The following MARK3 variants were observed in gnomAD, a reference collection of about 807,000 sequenced individuals.
The protein encoded by MARK3 is microtubule affinity regulating kinase 3.
A neutral mutation model predicts 90.1 loss-of-function variants in MARK3; 46 were observed. That is an observed-to-expected ratio of 0.51 (90% CI 0.40 to 0.65). The LOEUF is 0.65. MARK3 is among the 30% of genes least tolerant of loss of function. The pLI is 0.00. For missense variants in MARK3, 818 were observed against 947.2 expected (o/e 0.86, Z 1.79); for synonymous variants, 321 against 332.6 (o/e 0.97, Z 0.38).
chr14:103,471,768 G>GATCT (rs2093628969), intron 12 of MARK3, among the ~76,000 whole-genome samples: 1 of 151,946 alleles, frequency 6.6e-6, no homozygotes, highest in African/African-American at 2.4e-5. Flanking sequence ...TTTTCAAGGG[G>GATCT]TTAGCTTGTT....
chr14:103,411,010 C>G (rs2091597005), intron 2 of MARK3, among the ~76,000 whole-genome samples: 1 of 152,198 alleles, frequency 6.6e-6, no homozygotes. Flanking sequence ...TGCAGTGGCT[C>G]ACGCCTGTAA....
intron 5 of MARK3, among the ~76,000 whole-genome samples, chr14:103,453,050 A>T (rs1380691172): frequency 6.6e-6 from 1 of 152,200 alleles, no homozygotes; most frequent in Non-Finnish European, 1.5e-5. Context: ...GCCAGAAATG[A>T]TGGTTACAGT....
intron 10 of MARK3, 72 bp from the exon 11 acceptor site, chr14:103,467,007 A>AAAG: frequency 3.3e-6 from 1 of 301,316 alleles, no homozygotes; most frequent in Non-Finnish European, 5.4e-6. Context: ...TCCGTCTCAA[A>AAAG]AAAAAAAAAA....
intron 5 of MARK3, among the ~76,000 whole-genome samples, chr14:103,453,777 C>G (rs1378631248): frequency 6.6e-6 from 1 of 152,188 alleles, no homozygotes. Context: ...AAGGTGCTTT[C>G]TCTTACCAGA....
At chr14:103,464,219 G>T (rs2093458354) in intron 7 of MARK3, among the ~76,000 whole-genome samples, 1 of 149,302 alleles carries the variant, frequency 6.7e-6, no homozygotes, top group African/African-American at 2.5e-5. Context: ...TATCCATCCA[G>T]ACACTAATAT....
intron 17 of MARK3, 70 bp from the exon 18 acceptor site, chr14:103,502,812 G>A (rs1278482004): frequency 1.6e-6 from 2 of 1,228,232 alleles, no homozygotes; most frequent in African/African-American, 3.0e-5. Context: ...CGTGAATGAG[G>A]AACTAGCTGA....
Position 103,503,294 on chromosome 14 carries a change from A to G in MARK3, c.*67A>G. The G allele has an allele frequency of 7.7e-7, 1 of 1,306,782 alleles. No individual in the cohort carries two copies. 80.9% of individuals were successfully genotyped at this position (1,306,782 alleles called of 1,614,324 possible). On this transcript the variant is annotated 3_prime_UTR_variant, in exon 18 of 18. Transcript: ENST00000429436. The stretch of plus-strand genomic sequence containing the variant: ...TTCCTGAACACTGATGGAAATGTAT[A>G]GAATAATATTTAGGCAATAACGTCT...
chr14:103,470,211 A>G (rs148603763), intron 12 of MARK3, among the ~76,000 whole-genome samples: 1 of 151,634 alleles, frequency 6.6e-6, no homozygotes, highest in African/African-American at 2.4e-5. Context: ...TCTCATCCAT[A>G]CTCTTGCTGT....
At chr14:103,408,203 G>A (rs375880688) in intron 2 of MARK3, among the ~76,000 whole-genome samples, 2 of 151,930 alleles carry the variant, frequency 1.3e-5, no homozygotes, top group East Asian at 3.9e-4. Flanking sequence ...GGGAGGTGGT[G>A]TTGGCAACAG....
chr14:103,401,465 ACCAAGTCTG>A (rs2090960987), intron 1 of MARK3, among the ~76,000 whole-genome samples: 1 of 152,124 alleles, frequency 6.6e-6, no homozygotes, highest in Non-Finnish European at 1.5e-5. Flanking sequence ...TTCTGCTCAC[ACCAAGTCTG>A]CTTGAGGGCT....
Position 103,431,828 on chromosome 14 carries a change from T to A in MARK3, c.297+3388T>A, listed in dbSNP as rs1351339487. On this transcript the variant is annotated intron_variant, in intron 3 of 17. Coordinates refer to ENST00000429436, the MANE Select transcript of MARK3 (RefSeq NM_001128918.3). ...ACCATTTGTCATATGGAGTTATAGT[T>A]ACTCCAAACATAACCAGCCCTTAGA... is the stretch of plus-strand genomic sequence containing the variant. 2.0e-5 allele frequency among the ~76,000 whole-genome samples: 3 copies of A among 152,312 alleles called. No homozygotes were observed. The South Asian group carries it at 6.2e-4, about 32-fold the overall frequency.
intron 12 of MARK3, 59 bp downstream of exon 12, chr14:103,468,245 A>G (rs991921748): frequency 1.4e-6 from 2 of 1,432,596 alleles, no homozygotes; most frequent in African/African-American, 2.9e-5. Context: ...GTCTCCTAGC[A>G]CTGGGAAGCA....
chr14:103,401,530 C>G (rs868113587), intron 1 of MARK3, among the ~76,000 whole-genome samples: 3 of 152,052 alleles, frequency 2.0e-5, no homozygotes, highest in South Asian at 2.1e-4. Context: ...CCAGTTTGGT[C>G]TTGTGGCCGT....
intron 14 of MARK3, among the ~76,000 whole-genome samples, chr14:103,483,218 A>C (rs2093858701): frequency 6.6e-6 from 1 of 151,066 alleles, no homozygotes; most frequent in South Asian, 2.1e-4. Context: ...CTAATTTAAA[A>C]TATGAGTGAG....
chr14:103,442,945 C>T (rs558429094), intron 3 of MARK3, among the ~76,000 whole-genome samples: 4 of 149,158 alleles, frequency 2.7e-5, no homozygotes, highest in African/African-American at 1.0e-4. Context: ...GTGGGTGTCC[C>T]CCCCCCTCCC....
chr14:103,472,108 G>T (rs551830600), intron 12 of MARK3, among the ~76,000 whole-genome samples: 10 of 151,876 alleles, frequency 6.6e-5, no homozygotes, highest in Non-Finnish European at 1.5e-4. Context: ...CTACTCAGGA[G>T]GCTGAGGCAG....
chr14:103,388,868 A>G (rs2090009279), intron 1 of MARK3, among the ~76,000 whole-genome samples: 1 of 152,026 alleles, frequency 6.6e-6, no homozygotes, highest in African/African-American at 2.4e-5. Context: ...TTTATTGCTG[A>G]GTAAGTATTT....
At chr14:103,406,223 TAGG>T (rs1555372944) in intron 2 of MARK3, among the ~76,000 whole-genome samples, 1 of 147,308 alleles carries the variant, frequency 6.8e-6, no homozygotes, top group Non-Finnish European at 1.5e-5. Context: ...TTTGGGGGGT[TAGG>T]GGGGTGTCGG....
At chr14:103,454,144 GC>G (rs2093220440) in intron 5 of MARK3, among the ~76,000 whole-genome samples, 1 of 152,232 alleles carries the variant, frequency 6.6e-6, no homozygotes, top group Non-Finnish European at 1.5e-5. Flanking sequence ...GCTGAGCTGA[GC>G]TTCACGGTGA....
Sources: allele counts gnomAD v4.1 joint callset (sites outside exome capture counted in the v4.1 genomes callset), GRCh38; gene constraint gnomAD v4.1.1; transcripts MANE v1.5; gene names NCBI Gene and HGNC (gene_info 2026-07-23, HGNC 2026-07-21).